PARD3: variants seen among roughly 807,000 people sequenced by gnomAD.
PARD3 encodes par-3 family cell polarity regulator.
PARD3 carries 75 observed loss-of-function variants against 155.4 expected under a neutral mutation model. The ratio of observed to expected loss-of-function variants is 0.48; its 90% CI spans 0.40 to 0.58. The LOEUF (loss-of-function observed/expected upper bound fraction) is 0.58. Ranked by LOEUF, PARD3 falls within the 20% of genes least tolerant of loss-of-function variation. The probability of loss-of-function intolerance (pLI) is 0.00; values close to 1 mark genes in which losing one functional copy is unlikely to be tolerated. For missense variants in PARD3, 1,642 were observed against 1,721.7 expected (o/e 0.95, Z 0.82); for synonymous variants, 576 against 610.5 (o/e 0.94, Z 0.83).
intron 5 of PARD3, among the ~76,000 whole-genome samples, chr10:34,433,887 C>A (rs2076066814): frequency 6.6e-6 from 1 of 152,198 alleles, no homozygotes; most frequent in African/African-American, 2.4e-5. Context: ...AATGCCTCCA[C>A]ACATTGAGTC....
chr10:34,650,287 A>T (rs1438158463), intron 2 of PARD3, among the ~76,000 whole-genome samples: 1 of 152,246 alleles, frequency 6.6e-6, no homozygotes, highest in East Asian at 1.9e-4. Flanking sequence ...AAGACACCTA[A>T]GGACTGCACT....
At chr10:34,343,499 T>C (rs972823747) in intron 15 of PARD3, 14 of 985,076 alleles carry the variant, frequency 1.4e-5, no homozygotes, top group Non-Finnish European at 1.6e-5. Context: ...AAGAAAATAA[T>C]TTAGCATTTT....
chr10:34,640,744 T>C (rs2092653096), intron 2 of PARD3, among the ~76,000 whole-genome samples: 1 of 77,828 alleles, frequency 1.3e-5, no homozygotes. Flanking sequence ...AAAGCACTTT[T>C]AGGGAACACA....
intron 4 of PARD3, among the ~76,000 whole-genome samples, chr10:34,469,760 G>C (rs1201261046): frequency 6.6e-6 from 1 of 152,144 alleles, no homozygotes; most frequent in Non-Finnish European, 1.5e-5. Context: ...GAGGAGACCA[G>C]GAGACACAGC....
Position 34,470,227 on chromosome 10 carries a change from G to A in PARD3, c.440C>T (p.Ala147Val). The A allele has an allele frequency of 6.2e-7, 1 of 1,612,222 alleles. No individual in the cohort carries two copies. Among genetic ancestry groups the A allele is most frequent in the Non-Finnish European group, 8.5e-7 (1 of 1,179,102 alleles). The change falls in exon 4 of 25, where the codon GCT (alanine) becomes GTT (valine). Residue 147 changes from alanine (A) to valine (V), a missense_variant. Ala to Val is a moderately conservative substitution (Grantham distance 64, BLOSUM62 0). Transcript: ENST00000374788. ...GACAGAAGTGGAGAGGCCAATTAGAGCTGGGTCACTACTGCGTCGAACATG... is the reference window on the plus strand; with the variant it reads ...GACAGAAGTGGAGAGGCCAATTAGAACTGGGTCACTACTGCGTCGAACATG... Reference protein sequence around the residue: ...PLHVRRSSDPALIGLSTSVSD... With the variant: ...PLHVRRSSDPVLIGLSTSVSD...
intron 3 of PARD3, among the ~76,000 whole-genome samples, chr10:34,475,157 G>C (rs561764123): frequency 6.6e-6 from 1 of 152,120 alleles, no homozygotes; most frequent in African/African-American, 2.4e-5. Flanking sequence ...CATTTTAGGA[G>C]TGAAAATGAG....
chr10:34,482,878 G>A (rs1369233695), intron 3 of PARD3, among the ~76,000 whole-genome samples: 1 of 152,046 alleles, frequency 6.6e-6, no homozygotes, highest in Non-Finnish European at 1.5e-5. Context: ...GCAAGGTGCA[G>A]TGGCTCACGC....
rs530589801 is a variant in PARD3, at chr10:34,748,478, A to AAAAAAG, written c.121-52065_121-52060dup. ...GGCAACAGAGCAAGACTCTGTCTCAAAAAAAGAAAAAGAAAAAGAAAGGAA... is the reference window on the plus strand; with the variant it reads ...GGCAACAGAGCAAGACTCTGTCTCAAAAAAAGAAAAAGAAAAAGAAAAAGAAAGGAA... On this transcript the variant is annotated intron_variant, in intron 1 of 24. Coordinates refer to ENST00000374788, the MANE Select transcript of PARD3 (RefSeq NM_001184785.2). Among the ~76,000 whole-genome samples, 31 of 152,176 alleles carry AAAAAAG rather than the reference A, an allele frequency of 2.0e-4. No individual in the cohort carries two copies. The East Asian group carries it at 5.2e-3, about 26-fold the overall frequency.
At chr10:34,386,650 C>A (rs1438541149) in intron 7 of PARD3, among the ~76,000 whole-genome samples, 1 of 151,764 alleles carries the variant, frequency 6.6e-6, no homozygotes, top group East Asian at 1.9e-4. Context: ...TGGAGAAACC[C>A]CCTCTCTACT....
intron 5 of PARD3, among the ~76,000 whole-genome samples, chr10:34,416,470 G>A (rs1479241300): frequency 6.6e-6 from 1 of 152,170 alleles, no homozygotes; most frequent in Non-Finnish European, 1.5e-5. Context: ...GAAGAAGGCA[G>A]CCTGCAGAGA....
chr10:34,703,353 C>T (rs142847016), intron 1 of PARD3, among the ~76,000 whole-genome samples: 1,769 of 151,940 alleles, frequency 0.012, 11 homozygotes, highest in Non-Finnish European at 0.017. Flanking sequence ...TGGGCCACTG[C>T]ACTCTAGCCT....
Position 34,725,105 on chromosome 10 carries a change from T to TG in PARD3, c.121-28687_121-28686insC, listed in dbSNP as rs2094679434. Among the ~76,000 whole-genome samples the TG allele has an allele frequency of 3.1e-3, 428 of 135,880 alleles. 2 individuals are homozygous for TG. The highest frequency in any genetic ancestry group is 0.011 in the African/African-American group (398 of 35,728). 89.1% of individuals were successfully genotyped at this position (135,880 alleles called of 152,430 possible). On this transcript the variant is annotated intron_variant, in intron 1 of 24. Coordinates refer to ENST00000374788, the MANE Select transcript of PARD3 (RefSeq NM_001184785.2). ...TAAAAGGATTGAATGAGTCAAAACT[T>TG]TGTGTGTGTGTGTGTGTGTGTGTGT...
At chr10:34,599,630 A>G (rs2089596236) in intron 2 of PARD3, among the ~76,000 whole-genome samples, 1 of 152,216 alleles carries the variant, frequency 6.6e-6, no homozygotes, top group Non-Finnish European at 1.5e-5. Flanking sequence ...ATGTCAGGAA[A>G]AAAATAGCCA....
intron 22 of PARD3, among the ~76,000 whole-genome samples, chr10:34,207,837 G>A (rs570754071): frequency 3.5e-4 from 54 of 152,192 alleles, no homozygotes; most frequent in African/African-American, 1.2e-3. Context: ...GAACAACATC[G>A]AGGCTTTGTT....
chr10:34,669,615 G>A (rs1564485305), intron 2 of PARD3, among the ~76,000 whole-genome samples: 2 of 151,692 alleles, frequency 1.3e-5, no homozygotes, highest in Non-Finnish European at 2.9e-5. Context: ...AAAAAAAACA[G>A]AAAAAATTAC....
chr10:34,544,114 T>C (rs2083859553), intron 2 of PARD3, among the ~76,000 whole-genome samples: 1 of 152,178 alleles, frequency 6.6e-6, no homozygotes, highest in African/African-American at 2.4e-5. Context: ...AGCTATAAAA[T>C]AAATTTAAAA....
chr10:34,202,400 T>C (rs962487908), intron 22 of PARD3, among the ~76,000 whole-genome samples: 1 of 152,190 alleles, frequency 6.6e-6, no homozygotes, highest in Non-Finnish European at 1.5e-5. Flanking sequence ...TCTGAACATA[T>C]TCATTACGTA....
At chr10:34,435,420 G>T (rs1166883943) in intron 5 of PARD3, among the ~76,000 whole-genome samples, 1 of 152,130 alleles carries the variant, frequency 6.6e-6, no homozygotes, top group Non-Finnish European at 1.5e-5. Flanking sequence ...AATAAATGAT[G>T]GAACAATGAA....
At chr10:34,560,042 T>A (rs1264884947) in intron 2 of PARD3, among the ~76,000 whole-genome samples, 1 of 152,180 alleles carries the variant, frequency 6.6e-6, no homozygotes, top group African/African-American at 2.4e-5. Flanking sequence ...TTTATCTGCA[T>A]CATAAAAACC....
Sources: allele counts gnomAD v4.1 joint callset (sites outside exome capture counted in the v4.1 genomes callset), GRCh38; gene constraint gnomAD v4.1.1; transcripts MANE v1.5; gene names NCBI Gene and HGNC (gene_info 2026-07-23, HGNC 2026-07-21).